Variants in DCAF5 observed in about 807,000 individuals in gnomAD.
DCAF5 encodes the protein DDB1- and CUL4-associated factor 5.
In DCAF5, 9 loss-of-function variants were observed where a neutral mutation model predicts 80.7. The observed-to-expected ratio is 0.11, with a 90% CI of 0.07 to 0.19. DCAF5 has a LOEUF of 0.19. Ranked by LOEUF, DCAF5 falls within the 10% of genes least tolerant of loss-of-function variation. DCAF5 has a pLI of 1.00. For synonymous variants in DCAF5, 433 were observed against 461.9 expected (o/e 0.94, Z 0.80); for missense variants, 842 against 1,205.7 (o/e 0.70, Z 4.47).
chr14:69,144,492 A>C (rs2041474965), intron 1 of DCAF5, among the ~76,000 whole-genome samples: 1 of 152,016 alleles, frequency 6.6e-6, no homozygotes, highest in African/African-American at 2.4e-5. Flanking sequence ...GAATGGCATG[A>C]ACCTGGGAGG....
At chr14:69,074,407 AG>A (rs560181236) in intron 7 of DCAF5, among the ~76,000 whole-genome samples, 31 of 151,928 alleles carry the variant, frequency 2.0e-4, no homozygotes, top group South Asian at 6.3e-4. Flanking sequence ...GAAAAAGAAA[AG>A]GGGGGGGAAA....
At position 69,055,966 on chromosome 14, in the gene DCAF5, A is replaced by T. The variant is rs912415082; in HGVS notation, c.1075-355T>A. 6.6e-6 allele frequency among the ~76,000 whole-genome samples: 1 copy of T among 152,192 alleles called. No homozygotes were observed. The highest frequency in any genetic ancestry group is 1.5e-5 in the Non-Finnish European group (1 of 68,042). ...CTATTAGTAGTTGGACATTATAATA[A>T]TAATCCTGGAGAATAGAGGATGACT... On this transcript the variant is annotated intron_variant, in intron 8 of 8. Coordinates refer to ENST00000341516, the MANE Select transcript of DCAF5 (RefSeq NM_003861.3). The surrounding 1 kb of genome is among the most constrained non-coding windows in gnomAD (Gnocchi z 5.6).
intron 8 of DCAF5, among the ~76,000 whole-genome samples, chr14:69,056,730 G>A (rs1022653462): frequency 9.2e-5 from 14 of 152,124 alleles, no homozygotes; most frequent in African/African-American, 3.4e-4. Flanking sequence ...AGCTATCTAA[G>A]GACAAATGCA....
chr14:69,082,351 A>T (rs1462996511), intron 6 of DCAF5, among the ~76,000 whole-genome samples: 1 of 152,242 alleles, frequency 6.6e-6, no homozygotes, highest in Non-Finnish European at 1.5e-5. Context: ...TTGCAAGTGA[A>T]GTTACATTAT....
chr14:69,069,711 C>T (rs1027401827), intron 7 of DCAF5, among the ~76,000 whole-genome samples: 1 of 152,052 alleles, frequency 6.6e-6, no homozygotes, highest in Non-Finnish European at 1.5e-5. Context: ...ATGGGTTCAA[C>T]TGATCTTCCC....
intron 5 of DCAF5, among the ~76,000 whole-genome samples, chr14:69,104,858 T>TAAA (rs879449258): frequency 2.1e-5 from 3 of 142,230 alleles, no homozygotes; most frequent in Non-Finnish European, 1.5e-5. Flanking sequence ...ACTCTGTCTT[T>TAAA]AAAAAAAAAA....
Position 69,051,154 on chromosome 14 carries a change from A to G in DCAF5, c.*2703T>C, listed in dbSNP as rs953255721. On this transcript the variant is annotated 3_prime_UTR_variant, in exon 9 of 9. Coordinates refer to ENST00000341516, the MANE Select transcript of DCAF5 (RefSeq NM_003861.3). ...AAAACCAGCTGGAAAATAGAGAGAA[A>G]TGATTTTACATATCTGGACCTGCCA... The G allele has an allele frequency of 6.6e-6, 1 of 152,594 alleles. No homozygotes were observed. The highest frequency in any genetic ancestry group is 2.4e-5 in the African/African-American group (1 of 41,456). 9.5% of individuals were successfully genotyped at this position (152,594 alleles called of 1,614,324 possible).
rs78374209 is a variant in DCAF5 at position 69,097,029 on chromosome 14, C to T, written c.666-5142G>A. Among the ~76,000 whole-genome samples, 999 of 152,120 alleles carry T rather than the reference C, an allele frequency of 6.6e-3. 5 individuals carry two copies. The highest frequency in any genetic ancestry group is 0.011 in the Non-Finnish European group (760 of 68,004). ...GAGGATATGCAGGTAAACAGGCAGT[C>T]TCTGATGGCAAGACAAGAAGTTGGG... On this transcript the variant is annotated intron_variant, in intron 5 of 8. Coordinates refer to ENST00000341516, the MANE Select transcript of DCAF5 (RefSeq NM_003861.3).
intron 8 of DCAF5, among the ~76,000 whole-genome samples, chr14:69,056,155 A>G (rs546898288): frequency 6.6e-6 from 1 of 152,178 alleles, no homozygotes; most frequent in Non-Finnish European, 1.5e-5. Flanking sequence ...CCTATTTTTA[A>G]CTAATGGGAA....
At chr14:69,145,166 C>T (rs931365630) in intron 1 of DCAF5, among the ~76,000 whole-genome samples, 6 of 152,070 alleles carry the variant, frequency 3.9e-5, no homozygotes, top group Admixed American at 1.3e-4. Context: ...TAAAGGTGCA[C>T]GCCACCATAC....
chr14:69,091,906 A>G lies in DCAF5; in HGVS notation c.666-19T>C. On this transcript the variant is annotated intron_variant, in intron 5 of 8. Coordinates refer to ENST00000341516, the MANE Select transcript of DCAF5 (RefSeq NM_003861.3). ...GAGAGAACTGGAAGGCACAAGGCAC[A>G]GGAATCAGGCATGAGATAGGCTAAA... 1.3e-6 allele frequency: 2 copies of G among 1,595,544 alleles called. No homozygotes were observed. The highest frequency in any genetic ancestry group is 1.7e-6 in the Non-Finnish European group (2 of 1,168,384).
intron 5 of DCAF5, among the ~76,000 whole-genome samples, chr14:69,114,675 T>A (rs1056718095): frequency 2.0e-5 from 3 of 152,090 alleles, no homozygotes; most frequent in African/African-American, 7.3e-5. Context: ...ATGGAACTTG[T>A]TTTTTTGTTT....
chr14:69,141,582 A>T (rs544063406), intron 1 of DCAF5, among the ~76,000 whole-genome samples: 1 of 152,312 alleles, frequency 6.6e-6, no homozygotes, highest in African/African-American at 2.4e-5. Context: ...TGAAAGGAAC[A>T]CTAATAATTA....
intron 5 of DCAF5, among the ~76,000 whole-genome samples, chr14:69,111,969 C>T (rs1477076764): frequency 6.6e-6 from 1 of 152,164 alleles, no homozygotes; most frequent in African/African-American, 2.4e-5. Flanking sequence ...ATTAAGACAT[C>T]AAGAAGTGGT....
intron 7 of DCAF5, among the ~76,000 whole-genome samples, chr14:69,071,399 C>T (rs2038686530): frequency 6.6e-6 from 1 of 152,158 alleles, no homozygotes; most frequent in African/African-American, 2.4e-5. Flanking sequence ...CTCAGGACCA[C>T]TCTCCATCTC....
intron 5 of DCAF5, among the ~76,000 whole-genome samples, chr14:69,102,863 C>T (rs1425763773): frequency 1.3e-5 from 2 of 152,026 alleles, no homozygotes. Flanking sequence ...AACAGGTAAA[C>T]CAGTAACACA....
rs11158783 is a variant in DCAF5, at chr14:69,086,621, A to T, written c.879+5053T>A. ...TTAATCAGGCGTGCATGGAGTTATT[A>T]AAAAAAAAAAAAAAAAAGCAAAGTT... On this transcript the variant is annotated intron_variant, in intron 6 of 8. Transcript: ENST00000341516. Among the ~76,000 whole-genome samples, 367 of 47,176 alleles carry T rather than the reference A, an allele frequency of 7.8e-3. 2 individuals carry two copies. In the East Asian group the frequency reaches 0.36, roughly 47 times the overall value. 30.9% of individuals were successfully genotyped at this position (47,176 alleles called of 152,430 possible). A position where few individuals can be genotyped will look rare whatever the true frequency, so the allele number is the denominator to read the frequency against.
At chr14:69,098,701 G>C (rs1018901191) in intron 5 of DCAF5, among the ~76,000 whole-genome samples, 1 of 139,972 alleles carries the variant, frequency 7.1e-6, no homozygotes, top group Non-Finnish European at 1.5e-5. Context: ...TGCTAACACG[G>C]TGAAACTCTG....
rs2038251876 is a variant in DCAF5, at chr14:69,062,390, A to T, written c.1068T>A (p.Ile356=). Residue 356 remains isoleucine, a synonymous_variant, in exon 8 of 9, where the codon ATT becomes ATA. Coordinates refer to ENST00000341516, the MANE Select transcript of DCAF5 (RefSeq NM_003861.3). Reference sequence around the variant, plus strand: ...GAAGGGGAAGGTGCCTCACCTTGATAATCTTTTCTACACCAGAAGAGCAGA... The same window carrying T: ...GAAGGGGAAGGTGCCTCACCTTGATTATCTTTTCTACACCAGAAGAGCAGA... ...YMICSSGVEK[I]IKIWSPYKQP... is the part of the protein sequence containing the mutation. 1.2e-6 allele frequency: 2 copies of T among 1,613,646 alleles called. No homozygotes were observed. The highest frequency in any genetic ancestry group is 8.5e-7 in the Non-Finnish European group (1 of 1,179,696).
Sources: allele counts gnomAD v4.1 joint callset (sites outside exome capture counted in the v4.1 genomes callset), GRCh38; gene constraint gnomAD v4.1.1; non-coding constraint Gnocchi (gnomAD v3.1); transcripts MANE v1.5; gene names NCBI Gene and HGNC (gene_info 2026-07-23, HGNC 2026-07-21).